GID8: variants seen among roughly 807,000 people sequenced by gnomAD.
GID8 encodes GID complex subunit 8 homolog.
A neutral mutation model predicts 27.4 loss-of-function variants in GID8; 6 were observed. That is an observed-to-expected ratio of 0.22 (90% CI 0.12 to 0.43). The LOEUF (loss-of-function observed/expected upper bound fraction) is 0.43, where lower values mean the gene tolerates loss of function less well. Ranked by LOEUF, GID8 falls within the 20% of genes least tolerant of loss-of-function variation. The pLI, the probability that GID8 is intolerant of heterozygous loss-of-function variation, is 1.00. For missense variants in GID8, 173 were observed against 287.6 expected (o/e 0.60, Z 2.88); for synonymous variants, 112 against 109.0 (o/e 1.03, Z -0.17).
chr20:62,946,068 A>T lies in GID8; in HGVS notation c.*1156A>T. On this transcript the variant is annotated 3_prime_UTR_variant, in exon 5 of 5. Transcript: ENST00000266069. Reference sequence around the variant, plus strand: ...CATGGCCTTGTAGCTCTGGGCACAGATGTGTTTGGATTCATTGCAGCGGAC... The same window carrying T: ...CATGGCCTTGTAGCTCTGGGCACAGTTGTGTTTGGATTCATTGCAGCGGAC... 8.0e-7 allele frequency: 1 copy of T among 1,252,550 alleles called. No individual in the cohort carries two copies. The highest frequency in any genetic ancestry group is 2.3e-5 in the Admixed American group (1 of 43,388). 77.6% of individuals were successfully genotyped at this position (1,252,550 alleles called of 1,614,324 possible).
chr20:62,945,224 G>A lies in GID8; in HGVS notation c.*312G>A, dbSNP rs888403139. 214 of 1,128,974 alleles carry A rather than the reference G, an allele frequency of 1.9e-4. No individual in the cohort carries two copies. The highest frequency in any genetic ancestry group is 1.4e-3 in the African/African-American group (87 of 63,152). The allele number at this position is 1,128,974 out of a possible 1,614,324, so 69.9% of individuals were successfully genotyped here. A position where few individuals can be genotyped will look rare whatever the true frequency, so the allele number is the denominator to read the frequency against. Reference sequence around the variant, plus strand: ...GCTGCTGAAGGATTCGGTCTACCACGGAGGGCTGTGCTGTTAGGCTGCATC... The same window carrying A: ...GCTGCTGAAGGATTCGGTCTACCACAGAGGGCTGTGCTGTTAGGCTGCATC... On this transcript the variant is annotated 3_prime_UTR_variant, in exon 5 of 5. Transcript: ENST00000266069.
Position 62,943,252 on chromosome 20 carries a change from G to T in GID8, c.315+69G>T. On this transcript the variant is annotated intron_variant, in intron 3 of 4. Coordinates refer to ENST00000266069, the MANE Select transcript of GID8 (RefSeq NM_017896.3). This position sits in a 1 kb window ranked among gnomAD's most constrained non-coding sequence, Gnocchi z 4.7. ...AGTTAAAGTTATTTGCAATGATTGA[G>T]AAATAACTAGGCTAATTTGCTTTAA... 8.2e-7 allele frequency: 1 copy of T among 1,220,476 alleles called. No homozygotes were observed. The allele number at this position is 1,220,476 out of a possible 1,614,324, so 75.6% of individuals were successfully genotyped here.
chr20:62,945,352 TTG>T lies in GID8; in HGVS notation c.*444_*445del. The T allele has an allele frequency of 1.0e-6, 1 of 982,078 alleles. No homozygotes were observed. The highest frequency in any genetic ancestry group is 1.2e-6 in the Non-Finnish European group (1 of 830,628). The allele number at this position is 982,078 out of a possible 1,614,324, so 60.8% of individuals were successfully genotyped here. A position where few individuals can be genotyped will look rare whatever the true frequency, so the allele number is the denominator to read the frequency against. On this transcript the variant is annotated 3_prime_UTR_variant, in exon 5 of 5. Coordinates refer to ENST00000266069, the MANE Select transcript of GID8 (RefSeq NM_017896.3). Reference sequence around the variant, plus strand: ...AAGTTTTTCCTTACCCCTGTGGTTTTTGTGTTTTTTTTTTTTTCTTTTTCCAT... The same window carrying T: ...AAGTTTTTCCTTACCCCTGTGGTTTTTGTTTTTTTTTTTTTCTTTTTCCAT...
chr20:62,948,063 T>C lies in GID8; in HGVS notation c.*3151T>C, dbSNP rs1475278979. On this transcript the variant is annotated 3_prime_UTR_variant, in exon 5 of 5. Coordinates refer to ENST00000266069, the MANE Select transcript of GID8 (RefSeq NM_017896.3). ...CTTGGTGGCCAAGCAGTCTGTGTGC[T>C]TCCCCGCTGATGGAGAACGTTGCGT... 1.3e-5 allele frequency: 2 copies of C among 152,250 alleles called. No individual in the cohort carries two copies. Among genetic ancestry groups the C allele is most frequent in the South Asian group, 2.1e-4 (1 of 4,830 alleles). The allele number at this position is 152,250 out of a possible 1,614,324, so 9.4% of individuals were successfully genotyped here. A position where few individuals can be genotyped will look rare whatever the true frequency, so the allele number is the denominator to read the frequency against.
At position 62,945,969 on chromosome 20, in the gene GID8, T is replaced by C. The variant is rs969206487; in HGVS notation, c.*1057T>C. ...TCTGTTCACTCACAGAACTGTCCCC[T>C]GCTCCGTGGTGGGCAGGAGGGAAGT... On this transcript the variant is annotated 3_prime_UTR_variant, in exon 5 of 5. Coordinates refer to ENST00000266069, the MANE Select transcript of GID8 (RefSeq NM_017896.3). The C allele has an allele frequency of 2.7e-5, 35 of 1,289,476 alleles. No individual in the cohort carries two copies. In the African/African-American group the frequency reaches 5.2e-4, roughly 19 times the overall value. The allele number at this position is 1,289,476 out of a possible 1,614,324, so 79.9% of individuals were successfully genotyped here.
At chr20:62,942,864 C>A in intron 2 of GID8, 123 bp from the exon 3 acceptor site, 1 of 660,596 alleles carries the variant, frequency 1.5e-6, no homozygotes. Context: ...TACCGAGTTC[C>A]TGAGAAAGTG....
Position 62,943,133 on chromosome 20 carries a change from C to T in GID8, c.265C>T (p.Leu89Phe), listed in dbSNP as rs1385730651. 6.2e-7 allele frequency: 1 copy of T among 1,614,156 alleles called. No individual in the cohort carries two copies. The highest frequency in any genetic ancestry group is 1.1e-5 in the South Asian group (1 of 91,082). ...GGAGGCCATCGCCTTGATCAACAGC[C>T]TCCACCCAGAGCTCTTGGACACAAA... ...IQEAIALINS[L>F]HPELLDTNRY... The change falls in exon 3 of 5, where the codon CTC (leucine) becomes TTC (phenylalanine). Residue 89 changes from leucine (L) to phenylalanine (F), a missense_variant. Physicochemically the swap from Leu to Phe is conservative, Grantham distance 22. Coordinates refer to ENST00000266069, the MANE Select transcript of GID8 (RefSeq NM_017896.3). The surrounding 1 kb of genome is among the most constrained non-coding windows in gnomAD (Gnocchi z 4.7).
chr20:62,942,069 T>C (rs1246703742), intron 2 of GID8, among the ~76,000 whole-genome samples: 4 of 152,152 alleles, frequency 2.6e-5, no homozygotes, highest in Admixed American at 1.3e-4. Flanking sequence ...CAGTGCTGTA[T>C]ATGGCAAGAA....
chr20:62,938,401 G>T (rs1240830770), intron 1 of GID8, 148 bp downstream of exon 1: 1 of 151,746 alleles, frequency 6.6e-6, no homozygotes, highest in Non-Finnish European at 1.5e-5. Flanking sequence ...GAATTGGGGC[G>T]CGCAGTGAGT....
intron 1 of GID8, among the ~76,000 whole-genome samples, chr20:62,941,055 C>T (rs560150613): frequency 1.3e-5 from 2 of 152,234 alleles, no homozygotes; most frequent in Non-Finnish European, 2.9e-5. Context: ...CAGTTCTGTG[C>T]GCCACAGTCC....
At chr20:62,942,097 G>T (rs960327799) in intron 2 of GID8, among the ~76,000 whole-genome samples, 1 of 152,150 alleles carries the variant, frequency 6.6e-6, no homozygotes, top group Non-Finnish European at 1.5e-5. Flanking sequence ...GTTTTTAAAA[G>T]ACATGACATG....
At position 62,942,234 on chromosome 20, in the gene GID8, G is replaced by A. The variant is rs79344681; in HGVS notation, c.118+614G>A. Reference sequence around the variant, plus strand: ...TTTGAGAGACAGAGGAAGATTGTTCGCGCCTAGGAATTCCAGACCAGCCTG... The same window carrying A: ...TTTGAGAGACAGAGGAAGATTGTTCACGCCTAGGAATTCCAGACCAGCCTG... On this transcript the variant is annotated intron_variant, in intron 2 of 4. Coordinates refer to ENST00000266069, the MANE Select transcript of GID8 (RefSeq NM_017896.3). Among the ~76,000 whole-genome samples, 26 of 152,184 alleles carry A rather than the reference G, an allele frequency of 1.7e-4. No homozygotes were observed. In the East Asian group the frequency reaches 4.3e-3, roughly 25 times the overall value.
intron 4 of GID8, among the ~76,000 whole-genome samples, 158 bp from the exon 5 acceptor site, chr20:62,944,581 C>G (rs1250169238): frequency 2.6e-5 from 4 of 152,228 alleles, no homozygotes; most frequent in Admixed American, 2.0e-4. Context: ...CGTTTAACAA[C>G]CAGACTGTGA....
At chr20:62,942,889 G>C (rs2065449620) in intron 2 of GID8, 98 bp from the exon 3 acceptor site, 1 of 794,968 alleles carries the variant, frequency 1.3e-6, no homozygotes, top group Non-Finnish European at 2.1e-6. Context: ...TCACATCAGA[G>C]GTTATTAATT....
Position 62,941,511 on chromosome 20 carries a change from T to C in GID8, c.9T>C (p.Tyr3=), listed in dbSNP as rs202159698. 7 of 1,601,212 alleles carry C rather than the reference T, an allele frequency of 4.4e-6. No homozygotes were observed. The highest frequency in any genetic ancestry group is 2.7e-5 in the African/African-American group (2 of 74,778). The stretch of plus-strand genomic sequence containing the variant: ...TGTAGAAATAAATCAGAATGAGTTA[T>C]GCAGAAAAACCCGATGAAATCACGA... MS[Y]AEKPDEITKD... is the part of the protein sequence containing the mutation. The change falls in exon 2 of 5, where the codon TAT becomes TAC. Residue 3 remains tyrosine (Y), a synonymous_variant. Transcript: ENST00000266069.
In GID8 at chr20:62,947,623, G is replaced by A. The variant is rs1396934464; in HGVS notation, c.*2711G>A. Reference sequence around the variant, plus strand: ...TTGTGAAGCATAGGGTTATTGCAAGGCAAATGGGAACTAACACATCTTGCC... The same window carrying A: ...TTGTGAAGCATAGGGTTATTGCAAGACAAATGGGAACTAACACATCTTGCC... On this transcript the variant is annotated 3_prime_UTR_variant, in exon 5 of 5. Coordinates refer to ENST00000266069, the MANE Select transcript of GID8 (RefSeq NM_017896.3). 6.6e-6 allele frequency: 1 copy of A among 152,560 alleles called. No individual in the cohort carries two copies. 9.5% of individuals were successfully genotyped at this position (152,560 alleles called of 1,614,324 possible).
rs987614637 is a variant in GID8, at chr20:62,948,207, G to A, written c.*3295G>A. On this transcript the variant is annotated 3_prime_UTR_variant, in exon 5 of 5. Coordinates refer to ENST00000266069, the MANE Select transcript of GID8 (RefSeq NM_017896.3). The stretch of plus-strand genomic sequence containing the variant: ...GTTAACTGTTCTATTCTGATACTAC[G>A]CGTGTTGTTTTTTACAACAGGTATG... 1 of 152,178 alleles carries A rather than the reference G, an allele frequency of 6.6e-6. No individual in the cohort carries two copies. Among genetic ancestry groups the A allele is most frequent in the South Asian group, 2.1e-4 (1 of 4,826 alleles). The allele number at this position is 152,178 out of a possible 1,614,324, so 9.4% of individuals were successfully genotyped here.
chr20:62,940,916 T>C (rs1424622817), intron 1 of GID8, among the ~76,000 whole-genome samples: 2 of 152,252 alleles, frequency 1.3e-5, no homozygotes, highest in Non-Finnish European at 2.9e-5. Context: ...AGTGAAGAAA[T>C]AACGTCTGAT....
At chr20:62,939,372 A>G (rs1030968275) in intron 1 of GID8, among the ~76,000 whole-genome samples, 1 of 151,792 alleles carries the variant, frequency 6.6e-6, no homozygotes, top group South Asian at 2.1e-4. Flanking sequence ...CGCTCTTCCT[A>G]TGGTCTTTGC....
Sources: allele counts gnomAD v4.1 joint callset (sites outside exome capture counted in the v4.1 genomes callset), GRCh38; gene constraint gnomAD v4.1.1; non-coding constraint Gnocchi (gnomAD v3.1); transcripts MANE v1.5; gene names NCBI Gene and HGNC (gene_info 2026-07-23, HGNC 2026-07-21).